Variants in CPSF7 observed in about 807,000 individuals in gnomAD.
CPSF7 encodes cleavage and polyadenylation specific factor 7.
Under a neutral mutation model 44.3 loss-of-function variants are expected in CPSF7, and 1 was observed. The observed-to-expected ratio is 0.02, with a 90% CI of 0.01 to 0.11. The LOEUF (loss-of-function observed/expected upper bound fraction) is 0.11. CPSF7 is among the 10% of genes least tolerant of loss of function. The pLI is 1.00. For missense variants in CPSF7, 443 were observed against 607.2 expected (o/e 0.73, Z 2.84); for synonymous variants, 202 against 222.0 (o/e 0.91, Z 0.80).
At chr11:61,407,603 A>C (rs770928092) in intron 9 of CPSF7, among the ~76,000 whole-genome samples, 5 of 152,250 alleles carry the variant, frequency 3.3e-5, no homozygotes, top group Non-Finnish European at 5.9e-5. Flanking sequence ...CTAACTGTTG[A>C]TTCTACATGA....
chr11:61,428,969 TAAATC>T (rs1861659582), intron 2 of CPSF7: 4 of 395,268 alleles, frequency 1.0e-5, no homozygotes, highest in South Asian at 5.0e-5. Context: ...TATTTGCTCT[TAAATC>T]AAAGCCTTTA....
intron 6 of CPSF7, 158 bp downstream of exon 6, chr11:61,415,947 T>TTTAAGCACCTTAA: frequency 1.2e-6 from 1 of 849,348 alleles, no homozygotes; most frequent in Non-Finnish European, 1.8e-6. Flanking sequence ...AAAAGGGGTA[T>TTTAAGCACCTTAA]AAAGGACATG....
intron 9 of CPSF7, among the ~76,000 whole-genome samples, chr11:61,406,698 AGAGTTAT>A (rs1859356630): frequency 6.6e-6 from 1 of 152,200 alleles, no homozygotes; most frequent in African/African-American, 2.4e-5. Flanking sequence ...TTACCAAAAG[AGAGTTAT>A]CCTCATAATG....
At chr11:61,413,538 G>A (rs1045096639) in intron 7 of CPSF7, among the ~76,000 whole-genome samples, 9 of 151,816 alleles carry the variant, frequency 5.9e-5, no homozygotes, top group African/African-American at 2.2e-4. Flanking sequence ...GGCTGAGGCA[G>A]GAGAATTGCT....
chr11:61,424,067 TTAA>T (rs1420578512), intron 2 of CPSF7, among the ~76,000 whole-genome samples: 1 of 152,180 alleles, frequency 6.6e-6, no homozygotes, highest in Admixed American at 6.5e-5. Flanking sequence ...AGGGGGCAAC[TTAA>T]CAACAAGAAA....
At chr11:61,420,138 C>A (rs1188507709) in intron 4 of CPSF7, 44 bp from the exon 5 acceptor site, 1 of 1,485,810 alleles carries the variant, frequency 6.7e-7, no homozygotes, top group South Asian at 1.2e-5. Context: ...TGTAGACAGC[C>A]AAGAGAAGAA....
chr11:61,417,112 G>C (rs762975005), intron 5 of CPSF7, among the ~76,000 whole-genome samples: 1 of 152,140 alleles, frequency 6.6e-6, no homozygotes, highest in African/African-American at 2.4e-5. Context: ...ACAACTGGAG[G>C]TTAAGTGAAA....
intron 5 of CPSF7, among the ~76,000 whole-genome samples, chr11:61,418,848 A>G (rs1860587978): frequency 6.6e-6 from 1 of 151,884 alleles, no homozygotes; most frequent in African/African-American, 2.4e-5. Flanking sequence ...ACTCCCGAGT[A>G]GCTGAGATTA....
intron 6 of CPSF7, 54 bp from the exon 7 acceptor site, chr11:61,415,838 G>T: frequency 7.8e-7 from 1 of 1,284,978 alleles, no homozygotes; most frequent in Non-Finnish European, 1.1e-6. Flanking sequence ...TATTTTTACT[G>T]TACTCTACAA....
chr11:61,423,105 CA>C (rs71471824), intron 2 of CPSF7, among the ~76,000 whole-genome samples: 1,179 of 52,230 alleles, frequency 0.023, 2 homozygotes, highest in African/African-American at 0.094. Context: ...GACCCCATAT[CA>C]AAAAAAAAAA....
rs1565114585 is a variant in CPSF7, at chr11:61,421,500, C to A, written c.163G>T (p.Val55Phe). 1.9e-6 allele frequency: 3 copies of A among 1,614,086 alleles called. No homozygotes were observed. Among genetic ancestry groups the A allele is most frequent in the Non-Finnish European group, 2.5e-6 (3 of 1,180,016 alleles). ...GGCTTGGGAGATGGCTCCTGGCGAA[C>A]AGGAGGAGGTGGTTCAGTGCTGCTG... is the stretch of plus-strand genomic sequence containing the variant. ...RSSSTEPPPP[V>F]RQEPSPKPNN... The change falls in exon 3 of 10, where the codon GTT (valine) becomes TTT (phenylalanine). Residue 55 changes from valine (V) to phenylalanine (F), a missense_variant. By Grantham distance (50) the Val-to-Phe change is conservative. Transcript: ENST00000439958.
At chr11:61,422,310 T>A (rs190791892) in intron 2 of CPSF7, among the ~76,000 whole-genome samples, 1 of 151,836 alleles carries the variant, frequency 6.6e-6, no homozygotes, top group Non-Finnish European at 1.5e-5. Context: ...GACATGTATC[T>A]AGGAGACTTT....
rs532745359 is a variant in CPSF7 at position 61,413,406 on chromosome 11, C to T, written c.1058-1469G>A. Among the ~76,000 whole-genome samples, 12 of 151,966 alleles carry T rather than the reference C, an allele frequency of 7.9e-5. No homozygotes were observed. The South Asian group carries it at 2.1e-3, about 26-fold the overall frequency. ...CAGCACTTTGGGAGGCCGAGGTGGG[C>T]GGATCACTTGAAGCCAGAGTTCGAG... is the stretch of plus-strand genomic sequence containing the variant. On this transcript the variant is annotated intron_variant, in intron 7 of 9. Transcript: ENST00000439958.
In CPSF7 at chr11:61,416,333, G is replaced by A. The variant is rs768786067; in HGVS notation, c.710C>T (p.Pro237Leu). 2.8e-5 allele frequency: 44 copies of A among 1,578,932 alleles called. No individual in the cohort carries two copies. The highest frequency in any genetic ancestry group is 3.4e-5 in the Non-Finnish European group (40 of 1,159,640). ...GLPPPPIPPPPPLSSSFGVPP... is the reference protein window; with the variant it reads ...GLPPPPIPPPLPLSSSFGVPP... ...GACCCCAAAGCTTGAGGAGAGAGGT[G>A]GTGGGGGTGGAATTGGTGGTGGGGG... Residue 237 changes from proline to leucine, a missense_variant, in exon 6 of 10, where the codon CCA becomes CTA. Pro to Leu is a moderately conservative substitution (Grantham distance 98). Transcript: ENST00000439958.
chr11:61,419,898 CTCATACAGATGGTCT>C lies in CPSF7; in HGVS notation c.523+36_523+50del. ...AAAACAAACCCACAAACACCCCCCCCTCATACAGATGGTCTCCACGTACCCCCTCTTGGGACTCGG... is the reference window on the plus strand; with the variant it reads ...AAAACAAACCCACAAACACCCCCCCCCCACGTACCCCCTCTTGGGACTCGG... On this transcript the variant is annotated intron_variant, in intron 5 of 9. Coordinates refer to ENST00000439958, the MANE Select transcript of CPSF7 (RefSeq NM_001142565.3). 5.6e-6 allele frequency: 9 copies of C among 1,600,416 alleles called. No homozygotes were observed. In the South Asian group the frequency reaches 1.0e-4, roughly 18 times the overall value.
In CPSF7 at chr11:61,411,887, T is replaced by G. The variant is rs201573466; in HGVS notation, c.1108A>C (p.Lys370Gln). Reference protein sequence around the residue: ...ETLLTAIAVIKQSRVANDERC... With the variant: ...ETLLTAIAVIQQSRVANDERC... The stretch of plus-strand genomic sequence containing the variant: ...TCATCATTGGCAACCCGGGACTGTT[T>G]GATAACCGCAATGGCTGTGAGCAGC... The change falls in exon 8 of 10, where the codon AAA becomes CAA. Residue 370 changes from lysine (K) to glutamine (Q), a missense_variant. By Grantham distance (53) the Lys-to-Gln change is moderately conservative (BLOSUM62 1). Coordinates refer to ENST00000439958, the MANE Select transcript of CPSF7 (RefSeq NM_001142565.3). 1 of 1,614,214 alleles carries G rather than the reference T, an allele frequency of 6.2e-7. No homozygotes were observed. The highest frequency in any genetic ancestry group is 2.2e-5 in the East Asian group (1 of 44,886).
In CPSF7 at chr11:61,404,002, A is replaced by C. The variant is rs1590652285; in HGVS notation, c.*708T>G. The C allele has an allele frequency of 6.5e-6, 1 of 152,692 alleles. No individual in the cohort carries two copies. The highest frequency in any genetic ancestry group is 6.5e-5 in the Admixed American group (1 of 15,280). 9.5% of individuals were successfully genotyped at this position (152,692 alleles called of 1,614,324 possible). On this transcript the variant is annotated 3_prime_UTR_variant, in exon 10 of 10. Transcript: ENST00000439958. ...GCTTCCCAGCAGCAAGCAACCTCAT[A>C]GGCCTTCTCTGCTTAGGAGGGGCAA...
chr11:61,415,838 GTACTC>G, intron 6 of CPSF7, 54 bp from the exon 7 acceptor site: 1 of 1,284,978 alleles, frequency 7.8e-7, no homozygotes, highest in South Asian at 1.2e-5. Context: ...TATTTTTACT[GTACTC>G]TACAACACTT....
At chr11:61,409,255 C>T (rs1035463998) in intron 9 of CPSF7, among the ~76,000 whole-genome samples, 1 of 151,800 alleles carries the variant, frequency 6.6e-6, no homozygotes, top group Admixed American at 6.6e-5. Context: ...AGGTGGATCA[C>T]GAGGTCAGGA....
Sources: allele counts gnomAD v4.1 joint callset (sites outside exome capture counted in the v4.1 genomes callset), GRCh38; gene constraint gnomAD v4.1.1; transcripts MANE v1.5; gene names NCBI Gene and HGNC (gene_info 2026-07-23, HGNC 2026-07-21).